Variants in IGSF21 observed in about 807,000 individuals in gnomAD.
IGSF21 encodes immunoglobin superfamily member 21.
In IGSF21, 28 loss-of-function variants were observed where a neutral mutation model predicts 46.8. The observed-to-expected ratio is 0.60, with a 90% CI of 0.44 to 0.82. The LOEUF (loss-of-function observed/expected upper bound fraction) is 0.82. IGSF21 is among the 40% of genes least tolerant of loss of function. The pLI is 0.00. For missense variants in IGSF21, 624 were observed against 665.5 expected (o/e 0.94, Z 0.69); for synonymous variants, 284 against 273.6 (o/e 1.04, Z -0.38).
chr1:18,185,578 A>G (rs761058747), intron 1 of IGSF21, among the ~76,000 whole-genome samples: 10 of 152,112 alleles, frequency 6.6e-5, no homozygotes, highest in Non-Finnish European at 1.5e-4. Context: ...ATCTGAGTTG[A>G]ATTTCTTCTT....
chr1:18,296,330 T>C (rs1330917065), intron 3 of IGSF21, among the ~76,000 whole-genome samples: 2 of 152,124 alleles, frequency 1.3e-5, no homozygotes, highest in African/African-American at 4.8e-5. Flanking sequence ...AGGATACAAG[T>C]CTAGTTTGTA....
intron 1 of IGSF21, among the ~76,000 whole-genome samples, chr1:18,157,181 C>A (rs933615990): frequency 2.6e-4 from 39 of 152,152 alleles, no homozygotes; most frequent in Admixed American, 1.6e-3. Context: ...CTTTCTACAA[C>A]CCTCACTGCT....
At chr1:18,346,845 C>T (rs1390463853) in intron 4 of IGSF21, among the ~76,000 whole-genome samples, 1 of 152,106 alleles carries the variant, frequency 6.6e-6, no homozygotes, top group Non-Finnish European at 1.5e-5. Context: ...GCCCACAGGA[C>T]TGAGGCGGGA....
chr1:18,189,640 A>C (rs528391825), intron 1 of IGSF21, among the ~76,000 whole-genome samples: 7 of 151,940 alleles, frequency 4.6e-5, no homozygotes, highest in Admixed American at 1.3e-4. Context: ...TTAGATTCTC[A>C]TAAGGAGCTC....
chr1:18,296,813 T>C (rs144887293), intron 3 of IGSF21, among the ~76,000 whole-genome samples: 20 of 152,272 alleles, frequency 1.3e-4, no homozygotes, highest in African/African-American at 4.8e-4. Flanking sequence ...TGCTGTGTCT[T>C]CCATTTCCTG....
At chr1:18,221,151 A>C (rs749951679) in intron 1 of IGSF21, among the ~76,000 whole-genome samples, 1 of 152,128 alleles carries the variant, frequency 6.6e-6, no homozygotes, top group African/African-American at 2.4e-5. Flanking sequence ...CTTTACACCG[A>C]GTCAAGGGAG....
intron 3 of IGSF21, among the ~76,000 whole-genome samples, chr1:18,316,193 G>A (rs1371512234): frequency 6.6e-6 from 1 of 152,164 alleles, no homozygotes; most frequent in Non-Finnish European, 1.5e-5. Context: ...CGATGATGCA[G>A]AGCGGTGGCG....
chr1:18,302,615 G>T (rs1228082657), intron 3 of IGSF21, among the ~76,000 whole-genome samples: 3 of 152,030 alleles, frequency 2.0e-5, no homozygotes. Flanking sequence ...ACACAGGCTT[G>T]CACGGTGTTT....
intron 2 of IGSF21, among the ~76,000 whole-genome samples, chr1:18,249,830 T>A (rs1171856513): frequency 6.6e-6 from 1 of 152,182 alleles, no homozygotes; most frequent in Admixed American, 6.5e-5. Flanking sequence ...ACAGTCAGAC[T>A]GCACCCCAGG....
At chr1:18,305,740 G>A (rs1026663751) in intron 3 of IGSF21, among the ~76,000 whole-genome samples, 1 of 152,194 alleles carries the variant, frequency 6.6e-6, no homozygotes, top group African/African-American at 2.4e-5. Flanking sequence ...GGACCATTGG[G>A]CCATTTGTAC....
intron 6 of IGSF21, 128 bp from the exon 7 acceptor site, chr1:18,376,182 A>G: frequency 2.7e-6 from 2 of 738,254 alleles, no homozygotes; most frequent in Non-Finnish European, 5.0e-6. Context: ...TGAATGAATG[A>G]GCACACTGAG....
chr1:18,138,640 G>A (rs191316884), intron 1 of IGSF21, among the ~76,000 whole-genome samples: 2 of 152,282 alleles, frequency 1.3e-5, no homozygotes, highest in Admixed American at 6.5e-5. Context: ...GGCAAGGGGC[G>A]AGGAAGCTGG....
At chr1:18,375,724 G>A (rs1320407362) in intron 6 of IGSF21, among the ~76,000 whole-genome samples, 2 of 152,158 alleles carry the variant, frequency 1.3e-5, no homozygotes, top group African/African-American at 2.4e-5. Flanking sequence ...AGGAGTAGGA[G>A]ACCCGCACCT....
chr1:18,157,011 C>A (rs2086575070), intron 1 of IGSF21, among the ~76,000 whole-genome samples: 1 of 152,134 alleles, frequency 6.6e-6, no homozygotes, highest in South Asian at 2.1e-4. Flanking sequence ...GTAATCCCAG[C>A]TACTTGGGAG....
chr1:18,231,135 G>A (rs78632489), intron 2 of IGSF21, among the ~76,000 whole-genome samples: 4 of 152,300 alleles, frequency 2.6e-5, no homozygotes, highest in East Asian at 1.9e-4. Flanking sequence ...TGATGAGGCC[G>A]CCACTGCCTG....
intron 1 of IGSF21, among the ~76,000 whole-genome samples, chr1:18,128,748 T>C (rs1040031812): frequency 6.6e-6 from 1 of 152,086 alleles, no homozygotes; most frequent in Admixed American, 6.5e-5. Context: ...GGGATTTGAC[T>C]CCATCACTAC....
chr1:18,281,488 C>G (rs186642878), intron 2 of IGSF21, among the ~76,000 whole-genome samples: 1 of 151,478 alleles, frequency 6.6e-6, no homozygotes, highest in African/African-American at 2.4e-5. Context: ...ATTGCTTGAA[C>G]TCAGGAGACG....
In IGSF21 at chr1:18,311,501, T is replaced by A. The variant is rs1486161003; in HGVS notation, c.305+19514T>A. On this transcript the variant is annotated intron_variant, in intron 3 of 9. Coordinates refer to ENST00000251296, the MANE Select transcript of IGSF21 (RefSeq NM_032880.5). ...GCGGCGGAGCTGGTCTTTGAAACCATGTGAACAAGTGTCTTCACCTCTCTG... is the reference window on the plus strand; with the variant it reads ...GCGGCGGAGCTGGTCTTTGAAACCAAGTGAACAAGTGTCTTCACCTCTCTG... 2.0e-5 allele frequency among the ~76,000 whole-genome samples: 3 copies of A among 152,322 alleles called. No individual in the cohort carries two copies. In the East Asian group the frequency reaches 5.8e-4, roughly 29 times the overall value.
intron 1 of IGSF21, among the ~76,000 whole-genome samples, chr1:18,117,847 C>T (rs1258705677): frequency 6.6e-6 from 1 of 152,218 alleles, no homozygotes; most frequent in East Asian, 1.9e-4. Context: ...TCCTCTCTCC[C>T]CATTTTACAG....
Sources: gnomAD v4.1 joint callset for allele counts (sites outside exome capture counted in the v4.1 genomes callset) on GRCh38, gnomAD v4.1.1 for gene constraint, MANE v1.5 for transcripts, NCBI Gene and HGNC (gene_info 2026-07-23, HGNC 2026-07-21) for gene names.